KLHL23: variants seen among roughly 807,000 people sequenced by gnomAD.
KLHL23 encodes kelch-like protein 23.
In KLHL23, 33 loss-of-function variants were observed where a neutral mutation model predicts 48.9. The observed-to-expected ratio is 0.67, with a 90% CI of 0.51 to 0.90. KLHL23 has a LOEUF of 0.90. KLHL23 is among the 40% of genes least tolerant of loss of function. KLHL23 has a pLI of 0.00. For synonymous variants in KLHL23, 234 were observed against 231.6 expected, an observed-to-expected ratio of 1.01 and a Z score of -0.09; for missense variants, 608 against 669.6, an observed-to-expected ratio of 0.91 and a Z score of 1.02.
intron 2 of KLHL23, among the ~76,000 whole-genome samples, chr2:169,738,092 T>C (rs1308461854): frequency 6.6e-6 from 1 of 152,212 alleles, no homozygotes; most frequent in African/African-American, 2.4e-5. Context: ...CTCCCTCACC[T>C]GCTAACTGGG....
rs1688895085 is a variant in KLHL23, at chr2:169,749,711, T to A, written c.1656T>A (p.Cys552Ter). 2 of 1,606,288 alleles carry A rather than the reference T, an allele frequency of 1.2e-6. No homozygotes were observed. Residue 552 changes from cysteine to a stop codon, truncating the protein, a stop_gained, in exon 4 of 4, where the codon TGT (cysteine) becomes TGA (stop). Coordinates refer to ENST00000392647, the MANE Select transcript of KLHL23 (RefSeq NM_144711.6). LOFTEE classifies it high-confidence loss of function. ...NLPSAMRSHGCVCVYNV is the reference protein window; with the variant it reads ...NLPSAMRSHG The stretch of plus-strand genomic sequence containing the variant: ...CCAGTGCCATGCGGTCTCATGGGTG[T>A]GTTTGTGTGTATAATGTCTAATTGA...
chr2:169,734,468 G>GAGGGCTGCA (rs1486705263), intron 1 of KLHL23, among the ~76,000 whole-genome samples: 2 of 151,536 alleles, frequency 1.3e-5, no homozygotes, highest in Non-Finnish European at 3.0e-5. Flanking sequence ...GGGAGGGGGC[G>GAGGGCTGCA]AGGGCTGCAA....
At position 169,750,096 on chromosome 2, in the gene KLHL23, G is replaced by GTGTAGATATACGTGTGTA. The variant is rs1688931445; in HGVS notation, c.*368_*369insGATATACGTGTGTATGTA. On this transcript the variant is annotated 3_prime_UTR_variant, in exon 4 of 4. Transcript: ENST00000392647. ...TATACGTATGTATGTATACATATAT[G>GTGTAGATATACGTGTGTA]TGTATACATATATATGTGTGTATAT... The GTGTAGATATACGTGTGTA allele has an allele frequency of 9.6e-6, 1 of 103,718 alleles. No individual in the cohort carries two copies. The highest frequency in any genetic ancestry group is 2.0e-5 in the Non-Finnish European group (1 of 48,906). The allele number at this position is 103,718 out of a possible 1,614,324, so 6.4% of individuals were successfully genotyped here. A position where few individuals can be genotyped will look rare whatever the true frequency, so the allele number is the denominator to read the frequency against.
chr2:169,747,189 C>T (rs1320412775), intron 3 of KLHL23, among the ~76,000 whole-genome samples: 1 of 151,884 alleles, frequency 6.6e-6, no homozygotes, highest in Non-Finnish European at 1.5e-5. Context: ...CATGGCAAAA[C>T]CCCATCTCTA....
At chr2:169,737,420 C>T (rs1205605244) in intron 2 of KLHL23, among the ~76,000 whole-genome samples, 2 of 152,144 alleles carry the variant, frequency 1.3e-5, no homozygotes, top group Non-Finnish European at 2.9e-5. Context: ...TGGTTTTTGT[C>T]TTTGCCTGAG....
Position 169,735,897 on chromosome 2 carries a change from T to C in KLHL23, c.883T>C (p.Leu295=). Residue 295 remains leucine, a synonymous_variant, in exon 2 of 4, where the codon TTG becomes CTG. Coordinates refer to ENST00000392647, the MANE Select transcript of KLHL23 (RefSeq NM_144711.6). The surrounding 1 kb of genome is among the most constrained non-coding windows in gnomAD (Gnocchi z 4.5). The part of the protein sequence containing the change: ...PLSEVHIWDP[L]TNVWIQGAEI... ...ATCAGAGGTTCACATATGGGATCCTTTGACAAATGTTTGGATTCAGGGAGC... is the reference window on the plus strand; with the variant it reads ...ATCAGAGGTTCACATATGGGATCCTCTGACAAATGTTTGGATTCAGGGAGC... 1 of 1,614,132 alleles carries C rather than the reference T, an allele frequency of 6.2e-7. No individual in the cohort carries two copies. The highest frequency in any genetic ancestry group is 1.3e-5 in the African/African-American group (1 of 75,052).
intron 2 of KLHL23, among the ~76,000 whole-genome samples, chr2:169,740,152 A>T (rs1179297327): frequency 6.6e-6 from 1 of 152,126 alleles, no homozygotes; most frequent in Non-Finnish European, 1.5e-5. Flanking sequence ...TTGCTCTGAC[A>T]CGTACGCTGG....
intron 3 of KLHL23, among the ~76,000 whole-genome samples, chr2:169,747,885 G>A (rs986001984): frequency 1.3e-5 from 2 of 152,142 alleles, no homozygotes; most frequent in Admixed American, 1.3e-4. Flanking sequence ...CACTTTGAGA[G>A]GCTGAGGCAG....
chr2:169,739,961 C>G (rs748447417), intron 2 of KLHL23, among the ~76,000 whole-genome samples: 3 of 152,062 alleles, frequency 2.0e-5, no homozygotes, highest in Non-Finnish European at 4.4e-5. Context: ...AGAAACAGTA[C>G]AGTAAAAATA....
chr2:169,747,493 G>A (rs1194259353), intron 3 of KLHL23, among the ~76,000 whole-genome samples: 2 of 140,488 alleles, frequency 1.4e-5, no homozygotes, highest in African/African-American at 5.3e-5. Flanking sequence ...TAAGAGACAG[G>A]GTCTCACCGT....
intron 3 of KLHL23, among the ~76,000 whole-genome samples, chr2:169,748,385 G>A (rs893312049): frequency 9.2e-5 from 14 of 152,228 alleles, no homozygotes; most frequent in African/African-American, 3.4e-4. Flanking sequence ...TAATTTGAAT[G>A]CACTGACAAA....
chr2:169,749,773 T>A lies in KLHL23; in HGVS notation c.*41T>A, dbSNP rs1688896761. On this transcript the variant is annotated 3_prime_UTR_variant, in exon 4 of 4. Coordinates refer to ENST00000392647, the MANE Select transcript of KLHL23 (RefSeq NM_144711.6). ...TGACCAAGCAATCACTTTTTTGGAG[T>A]ATAGTTTTATAAAAAAAGAATGCAG... The A allele has an allele frequency of 6.5e-7, 1 of 1,531,862 alleles. No homozygotes were observed. Among genetic ancestry groups the A allele is most frequent in the East Asian group, 2.3e-5 (1 of 43,992 alleles). 94.9% of individuals were successfully genotyped at this position (1,531,862 alleles called of 1,614,324 possible).
In KLHL23 at chr2:169,750,639, ACTCT is replaced by A. The variant is rs1236452023; in HGVS notation, c.*910_*913del. On this transcript the variant is annotated 3_prime_UTR_variant, in exon 4 of 4. Transcript: ENST00000392647. ...TTCCTTTATAGTGTAATTTATTGTTACTCTCTATTTACTGACTACCAGAGATATA... is the reference window on the plus strand; with the variant it reads ...TTCCTTTATAGTGTAATTTATTGTTACTATTTACTGACTACCAGAGATATA... 5.9e-5 allele frequency: 9 copies of A among 152,126 alleles called. No homozygotes were observed. Among genetic ancestry groups the A allele is most frequent in the African/African-American group, 1.9e-4 (8 of 41,422 alleles). 9.4% of individuals were successfully genotyped at this position (152,126 alleles called of 1,614,324 possible). A position where few individuals can be genotyped will look rare whatever the true frequency, so the allele number is the denominator to read the frequency against.
intron 2 of KLHL23, among the ~76,000 whole-genome samples, chr2:169,740,448 A>G (rs1486995287): frequency 6.9e-6 from 1 of 144,878 alleles, no homozygotes; most frequent in Non-Finnish European, 1.5e-5. Context: ...TCCTTATTCT[A>G]TAAGCTTTTT....
At position 169,740,766 on chromosome 2, in the gene KLHL23, TTATA is replaced by T. The variant is rs55779546; in HGVS notation, c.1214-596_1214-593del. ...CCCGGCCTCTATAAGCTTTTTTATA[TTATA>T]TATATATATATATATATATATAACT... On this transcript the variant is annotated intron_variant, in intron 2 of 3. Transcript: ENST00000392647. 8.3e-3 allele frequency among the ~76,000 whole-genome samples: 1,045 copies of T among 125,498 alleles called. 34 individuals carry two copies. The highest frequency in any genetic ancestry group is 0.03 in the African/African-American group (976 of 33,016). The allele number at this position is 125,498 out of a possible 152,430, so 82.3% of individuals were successfully genotyped here. A position where few individuals can be genotyped will look rare whatever the true frequency, so the allele number is the denominator to read the frequency against.
At chr2:169,738,836 C>T (rs868676309) in intron 2 of KLHL23, among the ~76,000 whole-genome samples, 8 of 12,428 alleles carry the variant, frequency 6.4e-4, no homozygotes, top group African/African-American at 2.3e-3. Flanking sequence ...TCCTCCCCCT[C>T]CTCCCCCTCC....
intron 3 of KLHL23, among the ~76,000 whole-genome samples, chr2:169,745,060 G>T (rs1490548285): frequency 6.6e-6 from 1 of 151,566 alleles, no homozygotes; most frequent in Non-Finnish European, 1.5e-5. Flanking sequence ...TTACAGGCAT[G>T]CACCACCACG....
intron 2 of KLHL23, among the ~76,000 whole-genome samples, chr2:169,739,310 T>C (rs1688618091): frequency 6.6e-6 from 1 of 152,004 alleles, no homozygotes; most frequent in Admixed American, 6.6e-5. Context: ...GTTCTTCCTT[T>C]GTTAGTTGCT....
chr2:169,735,470 A>G lies in KLHL23; in HGVS notation c.456A>G (p.Pro152=), dbSNP rs763430810. 2 of 1,613,992 alleles carry G rather than the reference A, an allele frequency of 1.2e-6. No individual in the cohort carries two copies. Among genetic ancestry groups the G allele is most frequent in the South Asian group, 2.2e-5 (2 of 91,092 alleles). ...MHSFAEFHVC[P]ELEKESRRIL... Reference sequence around the variant, plus strand: ...CCTTTGCAGAATTTCATGTGTGTCCAGAACTAGAGAAGGAATCTCGAAGAA... The same window carrying G: ...CCTTTGCAGAATTTCATGTGTGTCCGGAACTAGAGAAGGAATCTCGAAGAA... Residue 152 remains proline (P), a synonymous_variant, in exon 2 of 4, where the codon CCA becomes CCG. Coordinates refer to ENST00000392647, the MANE Select transcript of KLHL23 (RefSeq NM_144711.6). This position sits in a 1 kb window ranked among gnomAD's most constrained non-coding sequence, Gnocchi z 4.5.
Sources: gnomAD v4.1 joint callset for allele counts (sites outside exome capture counted in the v4.1 genomes callset) on GRCh38, gnomAD v4.1.1 for gene constraint, Gnocchi (gnomAD v3.1) non-coding constraint, MANE v1.5 for transcripts, NCBI Gene and HGNC (gene_info 2026-07-23, HGNC 2026-07-21) for gene names.